WFDC13: variants seen among roughly 807,000 people sequenced by gnomAD.
WFDC13 encodes the protein WAP four-disulfide core domain 13, also known as WAP four-disulfide core domain protein 13.
A neutral mutation model predicts 10.9 loss-of-function variants in WFDC13; 6 were observed. The ratio of observed to expected loss-of-function variants is 0.55; its 90% confidence interval spans 0.30 to 1.09. The LOEUF (loss-of-function observed/expected upper bound fraction) is 1.09, where lower values mean the gene tolerates loss of function less well. Among genes scored for constraint, WFDC13 ranks in the 50% least tolerant of loss-of-function variants. The pLI, the probability that WFDC13 is intolerant of heterozygous loss-of-function variation, is 0.06. For missense variants in WFDC13, 104 were observed against 109.6 expected, an observed-to-expected ratio of 0.95 and a Z score of 0.23; for synonymous variants, 38 against 39.5, an observed-to-expected ratio of 0.96 and a Z score of 0.14.
intron 2 of WFDC13, chr20:45,704,938 C>G: frequency 6.2e-7 from 1 of 1,614,100 alleles, no homozygotes; most frequent in Non-Finnish European, 8.5e-7. Context: ...AACCAAAATC[C>G]CAAAGCAAAA....
chr20:45,705,240 T>A, intron 2 of WFDC13: 1 of 506,972 alleles, frequency 2.0e-6, no homozygotes, highest in Non-Finnish European at 3.5e-6. Flanking sequence ...TAAGTACTCT[T>A]GTTTTTTCCT....
chr20:45,705,791 T>A, intron 2 of WFDC13, 72 bp from the exon 3 acceptor site: 2 of 1,453,122 alleles, frequency 1.4e-6, no homozygotes, highest in Non-Finnish European at 1.9e-6. Flanking sequence ...GTGGAAGTAA[T>A]TGAAAGAAAA....
At chr20:45,703,515 G>A (rs1381147336) in intron 1 of WFDC13, among the ~76,000 whole-genome samples, 1 of 152,044 alleles carries the variant, frequency 6.6e-6, no homozygotes, top group Non-Finnish European at 1.5e-5. Context: ...ATTTGCAATA[G>A]AATGCCCCAC....
At chr20:45,703,628 A>G (rs1678811018) in intron 1 of WFDC13, among the ~76,000 whole-genome samples, 1 of 152,274 alleles carries the variant, frequency 6.6e-6, no homozygotes, top group East Asian at 1.9e-4. Flanking sequence ...TTTAGAGTCC[A>G]GGAATAGAAA....
At chr20:45,705,250 T>G in intron 2 of WFDC13, 1 of 490,318 alleles carries the variant, frequency 2.0e-6, no homozygotes, top group Non-Finnish European at 3.7e-6. Flanking sequence ...TGTTTTTTCC[T>G]GCTTTGCAAG....
At position 45,705,928 on chromosome 20, in the gene WFDC13, G is replaced by A. The variant is rs753813969; in HGVS notation, c.*22+1G>A. The A allele has an allele frequency of 1.2e-6, 2 of 1,613,654 alleles. No homozygotes were observed. Among genetic ancestry groups the A allele is most frequent in the Non-Finnish European group, 1.7e-6 (2 of 1,179,722 alleles). ...TGAGGCATATTTCCTAGATCATTTT[G>A]TAAGTACAGGGATTTGGTCTCGCCT... On this transcript the variant is annotated splice_donor_variant, in intron 3 of 3. Transcript: ENST00000305479. LOFTEE classifies it low-confidence loss of function (3UTR_SPLICE).
At chr20:45,704,941 A>G (rs1984331054) in intron 2 of WFDC13, 1 of 1,613,842 alleles carries the variant, frequency 6.2e-7, no homozygotes, top group African/African-American at 1.3e-5. Context: ...CAAAATCCCA[A>G]AGCAAAATTT....
intron 3 of WFDC13, among the ~76,000 whole-genome samples, chr20:45,707,263 A>T (rs144243727): frequency 6.6e-6 from 1 of 152,314 alleles, no homozygotes; most frequent in East Asian, 1.9e-4. Context: ...GTGACCCCTG[A>T]TCCAGGGCAG....
chr20:45,707,163 C>T (rs1397609946), intron 3 of WFDC13, among the ~76,000 whole-genome samples: 1 of 152,230 alleles, frequency 6.6e-6, no homozygotes. Flanking sequence ...AAATTAAACA[C>T]TCCATAGAAA....
At position 45,702,210 on chromosome 20, in the gene WFDC13, G is replaced by A. The variant is rs1403416892; in HGVS notation, c.87G>A (p.Leu29=). 2 of 1,611,428 alleles carry A rather than the reference G, an allele frequency of 1.2e-6. No individual in the cohort carries two copies. The highest frequency in any genetic ancestry group is 8.5e-7 in the Non-Finnish European group (1 of 1,178,968). ...CTGGGAGTCCCAAGCAGCGTGTTCT[G>A]AGTAGGTGCTGGATCTGGGCCCAAG... ...LVPGSPKQRV[L]KYILEPPPCI... is the part of the protein sequence containing the mutation. The change falls in exon 1 of 4, where the codon CTG becomes CTA. Residue 29 remains leucine, a splice_region_variant and synonymous_variant. Transcript: ENST00000305479.
intron 3 of WFDC13, 79 bp from the exon 4 acceptor site, chr20:45,707,779 T>TAGAG (rs1984453201): frequency 6.6e-6 from 1 of 152,184 alleles, no homozygotes; most frequent in Admixed American, 6.6e-5. Flanking sequence ...AGTAATTCTC[T>TAGAG]AGAGACCCAA....
intron 3 of WFDC13, among the ~76,000 whole-genome samples, chr20:45,706,736 C>T (rs930805609): frequency 2.0e-5 from 3 of 150,494 alleles, no homozygotes; most frequent in Admixed American, 2.0e-4. Flanking sequence ...TGCACCATTG[C>T]ACTCCAGCCT....
intron 1 of WFDC13, 28 bp downstream of exon 1, chr20:45,702,239 G>A (rs568419205): frequency 1.1e-5 from 18 of 1,598,102 alleles, no homozygotes; most frequent in African/African-American, 5.4e-5. Flanking sequence ...GCCCAAGGAG[G>A]GAAGTAACAT....
chr20:45,703,399 T>C (rs918119202), intron 1 of WFDC13, among the ~76,000 whole-genome samples: 2 of 152,236 alleles, frequency 1.3e-5, no homozygotes, highest in African/African-American at 2.4e-5. Flanking sequence ...ACTACAGTTA[T>C]AGTCATGACC....
chr20:45,705,978 GCTCACTTT>G (rs753972196), intron 3 of WFDC13, 51 bp downstream of exon 3: 12 of 1,509,790 alleles, frequency 7.9e-6, no homozygotes, highest in Non-Finnish European at 1.1e-5. Flanking sequence ...TCCCAGGGAT[GCTCACTTT>G]CTTCCTGTAG....
chr20:45,706,988 G>A (rs1005124111), intron 3 of WFDC13, among the ~76,000 whole-genome samples: 5 of 152,236 alleles, frequency 3.3e-5, no homozygotes, highest in Admixed American at 2.6e-4. Flanking sequence ...AATTAGAATG[G>A]TGGTCTTTCA....
At chr20:45,706,555 C>T (rs745707331) in intron 3 of WFDC13, among the ~76,000 whole-genome samples, 6 of 151,816 alleles carry the variant, frequency 4.0e-5, no homozygotes, top group Non-Finnish European at 7.4e-5. Flanking sequence ...GGACGGATCA[C>T]GAGGTCAGGA....
At chr20:45,702,313 A>G in intron 1 of WFDC13, 102 bp downstream of exon 1, 1 of 1,201,974 alleles carries the variant, frequency 8.3e-7, no homozygotes, top group Admixed American at 2.1e-5. Flanking sequence ...ATACCGTGTC[A>G]TGTTCAAGGG....
At chr20:45,707,372 G>T (rs1984437960) in intron 3 of WFDC13, among the ~76,000 whole-genome samples, 2 of 152,142 alleles carry the variant, frequency 1.3e-5, no homozygotes, top group Non-Finnish European at 2.9e-5. Context: ...TTACATACAG[G>T]TTGGCTATCA....
Sources: gnomAD v4.1 joint callset for allele counts (sites outside exome capture counted in the v4.1 genomes callset) on GRCh38, gnomAD v4.1.1 for gene constraint, MANE v1.5 for transcripts, NCBI Gene and HGNC (gene_info 2026-07-23, HGNC 2026-07-21) for gene names.